C4orf51: variants seen among roughly 807,000 people sequenced by gnomAD.
The protein encoded by C4orf51 is chromosome 4 open reading frame 51.
In C4orf51, 25 loss-of-function variants were observed where a neutral mutation model predicts 25.2. The observed-to-expected ratio is 0.99, with a 90% CI of 0.72 to 1.39. The LOEUF (loss-of-function observed/expected upper bound fraction) is 1.39, where lower values mean the gene tolerates loss of function less well. Ranked by LOEUF, C4orf51 falls within the 40% of genes most tolerant of loss-of-function variation. C4orf51 has a pLI of 0.00. For synonymous variants in C4orf51, 100 were observed against 84.5 expected (o/e 1.18, Z -1.01); for missense variants, 252 against 239.6 (o/e 1.05, Z -0.34).
the C4orf51 span, among the ~76,000 whole-genome samples, chr4:145,780,829 G>T: frequency 6.6e-6 from 1 of 152,192 alleles, no homozygotes; most frequent in Non-Finnish European, 1.5e-5. Flanking sequence ...TTAAAGCTCA[G>T]TACTGCATTA....
intron 1 of C4orf51, among the ~76,000 whole-genome samples, chr4:145,766,155 A>G (rs1735263537): frequency 6.6e-6 from 1 of 152,162 alleles, no homozygotes; most frequent in Admixed American, 6.6e-5. Context: ...AATCTGGCCT[A>G]GATCATATGG....
chr4:145,770,206 C>T (rs1012663586), intron 1 of C4orf51, among the ~76,000 whole-genome samples: 4 of 151,914 alleles, frequency 2.6e-5, no homozygotes, highest in African/African-American at 7.3e-5. Context: ...GGCTGAGACA[C>T]GAAAATTGCT....
intron 2 of C4orf51, among the ~76,000 whole-genome samples, chr4:145,697,793 C>G (rs1578944778): frequency 6.6e-6 from 1 of 152,176 alleles, no homozygotes; most frequent in Non-Finnish European, 1.5e-5. Flanking sequence ...GATCTTGACT[C>G]TTGTGAATAA....
intron 1 of C4orf51, among the ~76,000 whole-genome samples, chr4:145,689,137 T>G (rs909309756): frequency 6.6e-6 from 1 of 152,124 alleles, no homozygotes; most frequent in Non-Finnish European, 1.5e-5. Flanking sequence ...ATGAATTAAA[T>G]AACAAAGTGT....
chr4:145,761,081 G>T lies in C4orf51; in HGVS notation n.167-9907G>T, dbSNP rs1173932383. On this transcript the variant is annotated intron_variant and non_coding_transcript_variant, in intron 1 of 1. Transcript: ENST00000510096. This position sits in a 1 kb window ranked among gnomAD's most constrained non-coding sequence, Gnocchi z 6.8. ...GCCTGGGAGGCAGACATAACTGACA[G>T]GGGAGACAGGAGATTCCGGGAGCTC... The T allele has an allele frequency of 7.8e-7, 1 of 1,289,436 alleles. No individual in the cohort carries two copies. The highest frequency in any genetic ancestry group is 1.0e-6 in the Non-Finnish European group (1 of 988,708). The allele number at this position is 1,289,436 out of a possible 1,614,324, so 79.9% of individuals were successfully genotyped here. A position where few individuals can be genotyped will look rare whatever the true frequency, so the allele number is the denominator to read the frequency against.
rs565608708 is a variant in C4orf51, at chr4:145,680,291, G to T, written c.88G>T (p.Ala30Ser). The change falls in exon 1 of 6, where the codon GCT becomes TCT. Residue 30 changes from alanine (A) to serine (S), a missense_variant. Physicochemically the swap from Ala to Ser is moderately conservative, Grantham distance 99. Coordinates refer to ENST00000438731, the MANE Select transcript of C4orf51 (RefSeq NM_001080531.3). ...SQEFDLIRRK[A>S]GASWQDETRW... ...AGAGTTTGATCTGATCAGACGCAAG[G>T]CTGGAGCATCTTGGCAGGATGAAAC... The T allele has an allele frequency of 6.2e-7, 1 of 1,613,960 alleles. No homozygotes were observed. Among genetic ancestry groups the T allele is most frequent in the African/African-American group, 1.3e-5 (1 of 75,038 alleles).
Position 145,763,053 on chromosome 4 carries a change from G to T in C4orf51, n.167-7935G>T. 1 of 1,527,382 alleles carries T rather than the reference G, an allele frequency of 6.5e-7. No individual in the cohort carries two copies. Among genetic ancestry groups the T allele is most frequent in the Non-Finnish European group, 8.8e-7 (1 of 1,139,884 alleles). The allele number at this position is 1,527,382 out of a possible 1,614,324, so 94.6% of individuals were successfully genotyped here. ...AAATATAAAGCCCATTCCCAGGTCA[G>T]GTGCACACACAACCCCTACGCCAAG... On this transcript the variant is annotated intron_variant and non_coding_transcript_variant, in intron 1 of 1. Coordinates refer to the C4orf51 transcript ENST00000510096. This position sits in a 1 kb window ranked among gnomAD's most constrained non-coding sequence, Gnocchi z 4.6.
intron 1 of C4orf51, 144 bp downstream of exon 1, chr4:145,680,580 A>G: frequency 4.7e-6 from 3 of 636,022 alleles, no homozygotes; most frequent in Non-Finnish European, 8.1e-6. Flanking sequence ...AGCAGGAAGA[A>G]GAGCTAAATG....
intron 1 of C4orf51, among the ~76,000 whole-genome samples, chr4:145,687,534 T>G (rs1729244376): frequency 6.6e-6 from 1 of 152,254 alleles, no homozygotes; most frequent in African/African-American, 2.4e-5. Context: ...TTTACTTTTC[T>G]GTGTCAGTCT....
chr4:145,702,983 C>A (rs1448212457), intron 2 of C4orf51, among the ~76,000 whole-genome samples: 2 of 151,794 alleles, frequency 1.3e-5, no homozygotes, highest in South Asian at 2.1e-4. Context: ...TACCACCCCC[C>A]CAAAATTTTC....
At chr4:145,732,348 T>C (rs1244568667) in intron 5 of C4orf51, 105 bp from the exon 6 acceptor site, 2 of 675,744 alleles carry the variant, frequency 3.0e-6, no homozygotes, top group Admixed American at 2.4e-5. Flanking sequence ...CATCTCCTGC[T>C]CATGAATGAT....
intron 1 of C4orf51, among the ~76,000 whole-genome samples, chr4:145,744,531 T>A (rs1733260471): frequency 6.6e-6 from 1 of 152,108 alleles, no homozygotes; most frequent in African/African-American, 2.4e-5. Flanking sequence ...CATAAAGAGA[T>A]GGGACCTTGG....
intron 1 of C4orf51, among the ~76,000 whole-genome samples, chr4:145,748,751 T>C (rs1283776230): frequency 6.6e-6 from 1 of 152,136 alleles, no homozygotes; most frequent in Non-Finnish European, 1.5e-5. Flanking sequence ...TGCTTGATTT[T>C]ATTTAAATTT....
intron 1 of C4orf51, among the ~76,000 whole-genome samples, chr4:145,747,502 T>G (rs1733435958): frequency 6.6e-6 from 1 of 152,118 alleles, no homozygotes; most frequent in Admixed American, 6.6e-5. Context: ...TATATTACAT[T>G]GATTGATTTG....
At chr4:145,691,123 T>C (rs1183596322) in intron 1 of C4orf51, among the ~76,000 whole-genome samples, 1 of 151,436 alleles carries the variant, frequency 6.6e-6, no homozygotes, top group Non-Finnish European at 1.5e-5. Context: ...AAAAAAAAAA[T>C]TGCACAAAGG....
the C4orf51 span, among the ~76,000 whole-genome samples, chr4:145,786,558 G>A: frequency 6.6e-6 from 1 of 152,148 alleles, no homozygotes; most frequent in Non-Finnish European, 1.5e-5. Flanking sequence ...CTGAAATTCT[G>A]AAATCCTCTG....
the C4orf51 span, among the ~76,000 whole-genome samples, chr4:145,785,634 A>G: frequency 1.3e-5 from 2 of 152,272 alleles, no homozygotes; most frequent in East Asian, 3.9e-4. Flanking sequence ...CTGAACGATC[A>G]TCTTGTTCAA....
chr4:145,727,396 T>C (rs1056906192), intron 3 of C4orf51, among the ~76,000 whole-genome samples: 2 of 152,234 alleles, frequency 1.3e-5, no homozygotes, highest in Non-Finnish European at 2.9e-5. Flanking sequence ...TCTATACTTA[T>C]GTATACATAA....
intron 1 of C4orf51, among the ~76,000 whole-genome samples, chr4:145,738,674 C>G (rs13137381): frequency 6.6e-6 from 1 of 151,796 alleles, no homozygotes; most frequent in East Asian, 1.9e-4. Flanking sequence ...GGGTCTTGCT[C>G]TGTCACTCAG....
Sources: allele counts gnomAD v4.1 joint callset (sites outside exome capture counted in the v4.1 genomes callset), GRCh38; gene constraint gnomAD v4.1.1; non-coding constraint Gnocchi (gnomAD v3.1); transcripts MANE v1.5; gene names NCBI Gene and HGNC (gene_info 2026-07-23, HGNC 2026-07-21).